Variants in GJB7 observed in about 807,000 individuals in gnomAD.
GJB7 encodes the protein gap junction beta-7 protein.
For synonymous variants in GJB7, 87 were observed against 95.2 expected, an observed-to-expected ratio of 0.91 and a Z score of 0.50; for missense variants, 253 against 256.8, an observed-to-expected ratio of 0.99 and a Z score of 0.10.
Position 87,284,831 on chromosome 6 carries a change from C to G in GJB7, c.82G>C (p.Val28Leu), listed in dbSNP as rs369503577. Residue 28 changes from valine to leucine, a missense_variant, in exon 3 of 3, where the codon GTG (valine) becomes CTG (leucine). Physicochemically the swap from Val to Leu is conservative, Grantham distance 32. Transcript: ENST00000525899. ...TAGACCAGCAAACGGAAGACAAACA[C>G]GACAGCCAGCCAAATCCATCCAGTC... ...TGTGWIWLAVVFVFRLLVYMV... is the reference protein window; with the variant it reads ...TGTGWIWLAVLFVFRLLVYMV... The G allele has an allele frequency of 4.6e-5, 75 of 1,613,982 alleles. 1 individual carries two copies. The Admixed American group carries it at 1.2e-3, about 27-fold the overall frequency.
intron 2 of GJB7, among the ~76,000 whole-genome samples, chr6:87,287,184 G>A (rs959046042): frequency 2.0e-5 from 3 of 152,182 alleles, no homozygotes; most frequent in Non-Finnish European, 4.4e-5. Context: ...ATGGGCTAGA[G>A]CTCCAGGCCT....
intron 2 of GJB7, chr6:87,292,114 T>C (rs1238549103): frequency 6.6e-6 from 1 of 152,220 alleles, no homozygotes; most frequent in East Asian, 1.9e-4. Context: ...ATAACTTAGA[T>C]GAGAATTCCT....
intron 2 of GJB7, chr6:87,298,881 C>T: frequency 2.5e-6 from 1 of 396,696 alleles, no homozygotes; most frequent in Non-Finnish European, 5.0e-6. Flanking sequence ...ATTCCCAAGC[C>T]TTACTGCTTC....
intron 2 of GJB7, among the ~76,000 whole-genome samples, chr6:87,301,114 A>T (rs1776316090): frequency 1.3e-5 from 2 of 152,166 alleles, no homozygotes. Flanking sequence ...GACAGAGAAG[A>T]CGGGTGATTT....
At chr6:87,315,171 G>A (rs966686652) in intron 2 of GJB7, among the ~76,000 whole-genome samples, 12 of 152,044 alleles carry the variant, frequency 7.9e-5, no homozygotes, top group African/African-American at 2.2e-4. Context: ...CATATTCCCC[G>A]CCGACCCCTT....
At chr6:87,290,616 C>T (rs1369822544) in intron 2 of GJB7, among the ~76,000 whole-genome samples, 1 of 152,118 alleles carries the variant, frequency 6.6e-6, no homozygotes, top group African/African-American at 2.4e-5. Context: ...GCTGAATGAC[C>T]AGCTCATATT....
At chr6:87,306,502 C>G (rs569766341) in intron 2 of GJB7, among the ~76,000 whole-genome samples, 9 of 151,924 alleles carry the variant, frequency 5.9e-5, no homozygotes, top group African/African-American at 1.5e-4. Flanking sequence ...TTAGAATGGC[C>G]ATCATTAAAA....
At chr6:87,296,913 T>A (rs1776255423) in intron 2 of GJB7, among the ~76,000 whole-genome samples, 1 of 152,216 alleles carries the variant, frequency 6.6e-6, no homozygotes, top group Non-Finnish European at 1.5e-5. Flanking sequence ...TGATCTTTAA[T>A]AATATTTAAA....
At chr6:87,317,858 C>T (rs1776604647) in intron 2 of GJB7, among the ~76,000 whole-genome samples, 1 of 149,336 alleles carries the variant, frequency 6.7e-6, no homozygotes, top group Non-Finnish European at 1.5e-5. Context: ...CTGAGCCTAA[C>T]TACACTGATA....
Position 87,283,372 on chromosome 6 carries a change from G to A in GJB7, c.*869C>T, listed in dbSNP as rs2240461. 0.24 allele frequency: 36,389 copies of A among 152,172 alleles called. 5,077 individuals are homozygous for A. Among genetic ancestry groups the A allele is most frequent in the Admixed American group, 0.37 (5,638 of 15,290 alleles). The allele number at this position is 152,172 out of a possible 1,614,324, so 9.4% of individuals were successfully genotyped here. ...GGCCTCCACTTCCTATCAATGTGTT[G>A]CCTTCTGGGGGACCTGCTTTCCTTT... On this transcript the variant is annotated 3_prime_UTR_variant, in exon 3 of 3. Coordinates refer to ENST00000525899, the MANE Select transcript of GJB7 (RefSeq NM_198568.3).
intron 1 of GJB7, among the ~76,000 whole-genome samples, chr6:87,328,601 C>G (rs1776902675): frequency 6.6e-6 from 1 of 152,178 alleles, no homozygotes. Flanking sequence ...AGGAGGCAGT[C>G]TGCCTGTTCT....
intron 2 of GJB7, among the ~76,000 whole-genome samples, chr6:87,321,343 T>C (rs1437058073): frequency 1.3e-5 from 2 of 152,180 alleles, no homozygotes; most frequent in East Asian, 1.9e-4. Flanking sequence ...AAATATATTT[T>C]GGGGTAACAT....
At chr6:87,293,025 ATTTTATT>A (rs1194560758) in intron 2 of GJB7, among the ~76,000 whole-genome samples, 5 of 152,114 alleles carry the variant, frequency 3.3e-5, no homozygotes, top group South Asian at 2.1e-4. Flanking sequence ...AGTTTATTTT[ATTTTATT>A]TTTTATTTTT....
chr6:87,322,698 C>T (rs1225231809), intron 2 of GJB7, 168 bp downstream of exon 2: 1 of 152,190 alleles, frequency 6.6e-6, no homozygotes, highest in Non-Finnish European at 1.5e-5. Context: ...GGCGGCCGCA[C>T]CATCACGCTC....
chr6:87,286,881 C>G (rs1003616832), intron 2 of GJB7, among the ~76,000 whole-genome samples: 2 of 152,208 alleles, frequency 1.3e-5, no homozygotes, highest in Non-Finnish European at 2.9e-5. Flanking sequence ...AAGTAAGATG[C>G]AGAGCAGGGC....
intron 2 of GJB7, among the ~76,000 whole-genome samples, chr6:87,294,221 T>C (rs1776218649): frequency 6.6e-6 from 1 of 152,198 alleles, no homozygotes; most frequent in Non-Finnish European, 1.5e-5. Context: ...CTTTTGGATT[T>C]CAATTTTAAT....
chr6:87,302,253 G>A (rs1006969627), intron 2 of GJB7, among the ~76,000 whole-genome samples: 1 of 151,924 alleles, frequency 6.6e-6, no homozygotes, highest in East Asian at 1.9e-4. Context: ...AAGTTCGAAT[G>A]CATCGCAAAG....
intron 2 of GJB7, among the ~76,000 whole-genome samples, chr6:87,296,603 T>C (rs930023042): frequency 2.0e-5 from 3 of 152,230 alleles, no homozygotes; most frequent in Non-Finnish European, 4.4e-5. Context: ...AGGTATTTAA[T>C]GAATGTTAGT....
At chr6:87,303,343 A>C (rs149437320) in intron 2 of GJB7, among the ~76,000 whole-genome samples, 2,231 of 152,324 alleles carry the variant, frequency 0.015, 57 homozygotes, top group African/African-American at 0.05. Flanking sequence ...TCTACCAAGC[A>C]AATGGAAAGC....
Sources: gnomAD v4.1 joint callset for allele counts (sites outside exome capture counted in the v4.1 genomes callset) on GRCh38, gnomAD v4.1.1 for gene constraint, MANE v1.5 for transcripts, NCBI Gene and HGNC (gene_info 2026-07-23, HGNC 2026-07-21) for gene names.